The following IKBKB variants were observed in gnomAD, a reference collection of about 807,000 sequenced individuals.
The protein encoded by IKBKB is inhibitor of nuclear factor kappa-B kinase subunit beta.
IKBKB carries 42 observed loss-of-function variants against 113.6 expected under a neutral mutation model. The observed-to-expected ratio is 0.37, with a 90% confidence interval of 0.29 to 0.48. The LOEUF (loss-of-function observed/expected upper bound fraction) is 0.48. Among genes scored for constraint, IKBKB ranks in the 20% least tolerant of loss-of-function variants. IKBKB has a pLI of 0.99. For synonymous variants in IKBKB, 296 were observed against 361.3 expected (o/e 0.82, Z 2.05); for missense variants, 673 against 939.7 (o/e 0.72, Z 3.71).
At chr8:42,277,571 C>T (rs1275719136) in intron 2 of IKBKB, among the ~76,000 whole-genome samples, 1 of 152,238 alleles carries the variant, frequency 6.6e-6, no homozygotes, top group Non-Finnish European at 1.5e-5. Context: ...CCTGCCTCTC[C>T]ATCATTCCTC....
In IKBKB at chr8:42,322,106, A is replaced by G. The variant is rs1819887419; in HGVS notation, c.1791A>G (p.Ala597=). 6.2e-7 allele frequency: 1 copy of G among 1,613,770 alleles called. No individual in the cohort carries two copies. Among genetic ancestry groups the G allele is most frequent in the Non-Finnish European group, 8.5e-7 (1 of 1,179,994 alleles). ...SQEMVRLLLQ[A]IQSFEKKVRV... ...AAATGGTACGGCTGCTGCTTCAGGC[A>G]ATTCAGAGCTTCGAGAAGAAAGTGC... is the stretch of plus-strand genomic sequence containing the variant. Residue 597 remains alanine, a synonymous_variant, in exon 18 of 22, where the codon GCA becomes GCG. Coordinates refer to ENST00000520810, the MANE Select transcript of IKBKB (RefSeq NM_001556.3).
At chr8:42,305,414 AT>A (rs1816314527) in intron 6 of IKBKB, 139 bp downstream of exon 6, 3 of 632,728 alleles carry the variant, frequency 4.7e-6, no homozygotes, top group Admixed American at 5.6e-5. Flanking sequence ...ATGCTGTTTG[AT>A]TTGAAACAAA....
At chr8:42,324,449 G>T (rs967344728) in intron 19 of IKBKB, among the ~76,000 whole-genome samples, 2 of 152,096 alleles carry the variant, frequency 1.3e-5, no homozygotes, top group African/African-American at 4.8e-5. Context: ...ATTTTTAGTG[G>T]AGATGGGGTT....
At chr8:42,284,222 A>G (rs192816591) in intron 2 of IKBKB, among the ~76,000 whole-genome samples, 69 of 152,280 alleles carry the variant, frequency 4.5e-4, no homozygotes, top group African/African-American at 1.7e-3. Context: ...AAGGGACCAA[A>G]CTTGTCCTTT....
chr8:42,275,920 C>T (rs1336224272), intron 2 of IKBKB, among the ~76,000 whole-genome samples: 1 of 152,120 alleles, frequency 6.6e-6, no homozygotes, highest in East Asian at 1.9e-4. Flanking sequence ...CAGCTCACTG[C>T]AACCTCCGCC....
rs1406407879 is a variant in IKBKB at position 42,331,139 on chromosome 8, C to A, written c.*160C>A. 3 of 1,076,796 alleles carry A rather than the reference C, an allele frequency of 2.8e-6. No individual in the cohort carries two copies. Among genetic ancestry groups the A allele is most frequent in the Non-Finnish European group, 4.1e-6 (3 of 730,582 alleles). The allele number at this position is 1,076,796 out of a possible 1,614,324, so 66.7% of individuals were successfully genotyped here. On this transcript the variant is annotated 3_prime_UTR_variant, in exon 22 of 22. Transcript: ENST00000520810. ...GGTGGTTCCTGCTGCACTGATGGCC[C>A]AGGGGTCTCTGGTATCCAGATGGAG... is the stretch of plus-strand genomic sequence containing the variant.
At chr8:42,309,147 G>A (rs1383443912) in intron 8 of IKBKB, 122 bp downstream of exon 8, 4 of 1,141,206 alleles carry the variant, frequency 3.5e-6, no homozygotes, top group Non-Finnish European at 5.0e-6. Context: ...TCTCTTCCGA[G>A]AGGAAGGCCT....
At chr8:42,314,245 A>T in intron 8 of IKBKB, 77 bp from the exon 9 acceptor site, 1 of 1,022,026 alleles carries the variant, frequency 9.8e-7, no homozygotes, top group Non-Finnish European at 1.6e-6. Flanking sequence ...GACTAAAATC[A>T]CCTAATGACG....
intron 1 of IKBKB, 120 bp downstream of exon 1, chr8:42,271,589 C>G: frequency 3.6e-6 from 2 of 555,014 alleles, no homozygotes; most frequent in Non-Finnish European, 6.3e-6. Context: ...GACTGGGGAG[C>G]GTTTCACTTG....
At chr8:42,312,893 A>C (rs563601942) in intron 8 of IKBKB, among the ~76,000 whole-genome samples, 2 of 152,246 alleles carry the variant, frequency 1.3e-5, no homozygotes, top group Non-Finnish European at 2.9e-5. Context: ...GAAAAACCGT[A>C]GTTGGACATT....
chr8:42,295,020 C>G (rs561868424), intron 5 of IKBKB, among the ~76,000 whole-genome samples: 2 of 149,988 alleles, frequency 1.3e-5, no homozygotes, highest in South Asian at 4.2e-4. Context: ...AAAGCTTTGT[C>G]AAGTTATTAT....
At chr8:42,325,231 G>A (rs1585815365) in intron 19 of IKBKB, 1 of 985,548 alleles carries the variant, frequency 1.0e-6, no homozygotes, top group Admixed American at 6.1e-5. Context: ...CCTTCGGGCT[G>A]GGAGGGGCAG....
intron 4 of IKBKB, 139 bp downstream of exon 4, chr8:42,290,412 T>A: frequency 1.5e-6 from 1 of 655,746 alleles, no homozygotes; most frequent in Non-Finnish European, 2.7e-6. Flanking sequence ...CTGCTTTGCC[T>A]CTCAGATCCT....
At chr8:42,325,307 G>A in intron 19 of IKBKB, 1 of 985,562 alleles carries the variant, frequency 1.0e-6, no homozygotes, top group Non-Finnish European at 1.2e-6. Context: ...GAGGATGCAA[G>A]CCACAGGAAT....
At chr8:42,308,005 C>T (rs1816882618) in intron 7 of IKBKB, among the ~76,000 whole-genome samples, 2 of 152,250 alleles carry the variant, frequency 1.3e-5, no homozygotes, top group African/African-American at 4.8e-5. Context: ...GCCGCCCCTT[C>T]TTCGGTCACC....
At chr8:42,292,844 C>A (rs4282553) in intron 4 of IKBKB, among the ~76,000 whole-genome samples, 1 of 152,036 alleles carries the variant, frequency 6.6e-6, no homozygotes, top group African/African-American at 2.4e-5. Context: ...GGTATCCGAC[C>A]GTGTAACCTC....
At chr8:42,298,520 C>CT (rs1332405837) in intron 5 of IKBKB, 1 of 973,994 alleles carries the variant, frequency 1.0e-6, no homozygotes, top group East Asian at 1.1e-4. Context: ...GATCTTCTGA[C>CT]TGGTTCCATT....
Position 42,317,736 on chromosome 8 carries a change from C to G in IKBKB, c.1205C>G (p.Ser402Cys). 6.2e-7 allele frequency: 1 copy of G among 1,613,236 alleles called. No individual in the cohort carries two copies. The highest frequency in any genetic ancestry group is 1.7e-5 in the Admixed American group (1 of 60,018). Residue 402 changes from serine (S) to cysteine (C), a missense_variant, in exon 12 of 22, where the codon TCC becomes TGC. Coordinates refer to ENST00000520810, the MANE Select transcript of IKBKB (RefSeq NM_001556.3). ...NSKITYETQISPRPQPESVSC... is the reference protein window; with the variant it reads ...NSKITYETQICPRPQPESVSC... ...AAAATCACCTATGAGACTCAGATCT[C>G]CCCACGGCCCCAACCTGAAAGTGTC...
chr8:42,321,396 G>A (rs567099453), intron 16 of IKBKB: 7 of 158,504 alleles, frequency 4.4e-5, no homozygotes, highest in Admixed American at 1.2e-4. Flanking sequence ...CTGTGTCACC[G>A]TGAGCTCAGC....
Sources: gnomAD v4.1 joint callset for allele counts (sites outside exome capture counted in the v4.1 genomes callset) on GRCh38, gnomAD v4.1.1 for gene constraint, MANE v1.5 for transcripts, NCBI Gene and HGNC (gene_info 2026-07-23, HGNC 2026-07-21) for gene names.